UBAP2L: variants seen among roughly 807,000 people sequenced by gnomAD.
UBAP2L encodes ubiquitin-associated protein 2-like.
Under a neutral mutation model 130.6 loss-of-function variants are expected in UBAP2L, and 12 were observed. That is an observed-to-expected ratio of 0.09 (90% CI 0.06 to 0.15). The LOEUF is 0.15. Ranked by LOEUF, UBAP2L falls within the 10% of genes least tolerant of loss-of-function variation. The pLI is 1.00. For synonymous variants in UBAP2L, 503 were observed against 524.7 expected (o/e 0.96, Z 0.57); for missense variants, 965 against 1,332.5 (o/e 0.72, Z 4.29).
intron 13 of UBAP2L, 54 bp downstream of exon 13, chr1:154,251,372 G>T: frequency 6.3e-7 from 1 of 1,580,800 alleles, no homozygotes; most frequent in South Asian, 1.2e-5. Context: ...TGGGGCTTGA[G>T]AATTGAGATT....
At chr1:154,257,288 C>G in intron 19 of UBAP2L, 30 bp downstream of exon 19, 1 of 1,614,166 alleles carries the variant, frequency 6.2e-7, no homozygotes, top group Non-Finnish European at 8.5e-7. Context: ...TGGCATTCCT[C>G]TGGGATGGAG....
intron 22 of UBAP2L, 114 bp from the exon 23 acceptor site, chr1:154,260,778 G>A: frequency 9.8e-7 from 1 of 1,017,896 alleles, no homozygotes; most frequent in Non-Finnish European, 1.5e-6. Context: ...TCAAGGAATT[G>A]AACTTTAATA....
chr1:154,243,342 A>G (rs1269181967), intron 10 of UBAP2L, 40 bp downstream of exon 10: 21 of 1,572,458 alleles, frequency 1.3e-5, no homozygotes, highest in Non-Finnish European at 1.7e-5. Flanking sequence ...TCTTAAACAC[A>G]TCTGCTGAGA....
intron 10 of UBAP2L, among the ~76,000 whole-genome samples, chr1:154,244,609 C>T (rs1406363730): frequency 5.3e-5 from 8 of 152,116 alleles, no homozygotes; most frequent in Non-Finnish European, 1.2e-4. Context: ...CCACCCACCT[C>T]AGCCTCCCAA....
At chr1:154,232,323 CA>C (rs201210068) in intron 4 of UBAP2L, among the ~76,000 whole-genome samples, 51 of 121,710 alleles carry the variant, frequency 4.2e-4, no homozygotes, top group Non-Finnish European at 4.9e-4. Flanking sequence ...ACTAAGTTTC[CA>C]AAAAAAAAAA....
intron 24 of UBAP2L, among the ~76,000 whole-genome samples, chr1:154,264,662 C>T (rs1403690818): frequency 1.3e-5 from 2 of 152,182 alleles, no homozygotes; most frequent in African/African-American, 4.8e-5. Flanking sequence ...CCCTACCACT[C>T]GGCTTGAGAA....
chr1:154,259,748 C>T, intron 21 of UBAP2L, 200 bp from the exon 22 acceptor site: 1 of 734,676 alleles, frequency 1.4e-6, no homozygotes, highest in South Asian at 1.4e-5. Flanking sequence ...TAGACCTTGT[C>T]TGACTGTGCT....
chr1:154,265,040 A>G (rs537529820), intron 24 of UBAP2L, among the ~76,000 whole-genome samples: 1 of 152,276 alleles, frequency 6.6e-6, no homozygotes, highest in African/African-American at 2.4e-5. Flanking sequence ...CAGTGTCTTT[A>G]GACAGTTGAT....
chr1:154,270,896 G>A (rs550564115), downstream of UBAP2L: 28 of 1,546,870 alleles, frequency 1.8e-5, no homozygotes, highest in South Asian at 2.4e-4. Context: ...CCTCAATTTC[G>A]TCGATGACCA....
chr1:154,246,437 A>G lies in UBAP2L; in HGVS notation c.1014+62A>G. ...CCTGCTAATCCTAGCACACATACACAGTTCCTTCCAAAGACAGTCAGGTTT... is the reference window on the plus strand; with the variant it reads ...CCTGCTAATCCTAGCACACATACACGGTTCCTTCCAAAGACAGTCAGGTTT... On this transcript the variant is annotated intron_variant, in intron 11 of 26. Coordinates refer to ENST00000428931, the MANE Select transcript of UBAP2L (RefSeq NM_014847.4). 4 of 1,524,934 alleles carry G rather than the reference A, an allele frequency of 2.6e-6. No homozygotes were observed. The South Asian group carries it at 3.8e-5, about 14-fold the overall frequency. 94.5% of individuals were successfully genotyped at this position (1,524,934 alleles called of 1,614,324 possible).
chr1:154,249,064 C>T (rs1333550204), intron 11 of UBAP2L, among the ~76,000 whole-genome samples, 175 bp from the exon 12 acceptor site: 2 of 152,140 alleles, frequency 1.3e-5, no homozygotes, highest in African/African-American at 2.4e-5. Context: ...GGATTTCAAT[C>T]TAAGACAGTC....
At chr1:154,254,775 CTT>C in intron 15 of UBAP2L, 59 bp from the exon 16 acceptor site, 1 of 1,554,096 alleles carries the variant, frequency 6.4e-7, no homozygotes, top group East Asian at 2.2e-5. Flanking sequence ...TCAGTGCTAA[CTT>C]TCCTCATTCA....
chr1:154,256,959 G>A, intron 18 of UBAP2L, 104 bp from the exon 19 acceptor site: 1 of 1,354,660 alleles, frequency 7.4e-7, no homozygotes. Context: ...TAATTAGGAA[G>A]TTGACATCAT....
intron 14 of UBAP2L, among the ~76,000 whole-genome samples, chr1:154,252,235 A>G (rs1275001340): frequency 1.3e-5 from 2 of 150,184 alleles, no homozygotes; most frequent in Non-Finnish European, 3.0e-5. Context: ...TCGGCCTCCC[A>G]AAGTGCTGGG....
intron 12 of UBAP2L, 151 bp downstream of exon 12, chr1:154,249,588 T>C: frequency 1.1e-6 from 1 of 880,090 alleles, no homozygotes; most frequent in Admixed American, 2.8e-5. Context: ...CCTAATCAAA[T>C]AAGCTGAATT....
chr1:154,264,774 G>A (rs1246761651), intron 24 of UBAP2L, among the ~76,000 whole-genome samples: 1 of 150,390 alleles, frequency 6.6e-6, no homozygotes, highest in Non-Finnish European at 1.5e-5. Context: ...TTTTGCCTTT[G>A]CAGTAAAGAT....
chr1:154,262,708 G>A (rs1374584930), intron 24 of UBAP2L, among the ~76,000 whole-genome samples: 2 of 152,162 alleles, frequency 1.3e-5, no homozygotes, highest in Non-Finnish European at 2.9e-5. Context: ...GAACTGTGCT[G>A]CATGAGTTAG....
In UBAP2L at chr1:154,255,773, A is replaced by AG; in HGVS notation, c.2157+21dup. The AG allele has an allele frequency of 6.2e-7, 1 of 1,613,420 alleles. No individual in the cohort carries two copies. Among genetic ancestry groups the AG allele is most frequent in the Non-Finnish European group, 8.5e-7 (1 of 1,179,420 alleles). ...CTCTTTTGGTAAGTGTGATGCTGAGAGGGATGTGTGGTTTTCTTACACTTA... is the reference window on the plus strand; with the variant it reads ...CTCTTTTGGTAAGTGTGATGCTGAGAGGGGATGTGTGGTTTTCTTACACTTA... On this transcript the variant is annotated intron_variant, in intron 18 of 26. Transcript: ENST00000428931.
intron 8 of UBAP2L, among the ~76,000 whole-genome samples, chr1:154,239,177 G>C (rs376557382): frequency 1.3e-5 from 2 of 151,570 alleles, no homozygotes; most frequent in African/African-American, 2.4e-5. Flanking sequence ...GTACAATGGG[G>C]ATTATGTATT....
Sources: gnomAD v4.1 joint callset for allele counts (sites outside exome capture counted in the v4.1 genomes callset) on GRCh38, gnomAD v4.1.1 for gene constraint, MANE v1.5 for transcripts, NCBI Gene and HGNC (gene_info 2026-07-23, HGNC 2026-07-21) for gene names.